The following DSCAM variants were observed in gnomAD, a reference collection of about 807,000 sequenced individuals.
DSCAM encodes the protein cell adhesion molecule DSCAM.
DSCAM carries 47 observed loss-of-function variants against 217.7 expected under a neutral mutation model. That is an observed-to-expected ratio of 0.22 (90% CI 0.17 to 0.28). DSCAM has a LOEUF of 0.28. Among genes scored for constraint, DSCAM ranks in the 10% least tolerant of loss-of-function variants. DSCAM has a pLI of 1.00. For missense variants in DSCAM, 2,080 were observed against 2,618.3 expected (o/e 0.79, Z 4.49); for synonymous variants, 1,056 against 1,015.3 (o/e 1.04, Z -0.76).
At chr21:40,490,567 C>T (rs35955958) in intron 3 of DSCAM, among the ~76,000 whole-genome samples, 71,071 of 151,832 alleles carry the variant, frequency 0.47, 16,759 homozygotes, top group African/African-American at 0.5. Flanking sequence ...TAACTTCCAC[C>T]TCATTCTTGA....
chr21:40,597,814 T>C (rs1182929564), intron 3 of DSCAM, among the ~76,000 whole-genome samples: 1 of 152,066 alleles, frequency 6.6e-6, no homozygotes, highest in Non-Finnish European at 1.5e-5. Flanking sequence ...GCCCGGCCTA[T>C]TTCTTAGAAC....
chr21:40,653,875 T>A lies in DSCAM; in HGVS notation c.508+38935A>T, dbSNP rs1335620350. Among the ~76,000 whole-genome samples, 7 of 152,152 alleles carry A rather than the reference T, an allele frequency of 4.6e-5. No individual in the cohort carries two copies. The South Asian group carries it at 1.0e-3, about 23-fold the overall frequency. ...ACTTTGGGAGGCCAAGGCAGGCAGA[T>A]CATGAGGTCAGGAGTTCAAGACCAG... On this transcript the variant is annotated intron_variant, in intron 3 of 32. Coordinates refer to ENST00000400454, the MANE Select transcript of DSCAM (RefSeq NM_001389.5).
chr21:40,219,352 C>A (rs762562951), intron 11 of DSCAM, among the ~76,000 whole-genome samples: 126 of 152,206 alleles, frequency 8.3e-4, no homozygotes, highest in Non-Finnish European at 1.7e-3. Context: ...TCAAATCCTG[C>A]TTTTTAAAAA....
chr21:40,371,639 T>G (rs564531759), intron 3 of DSCAM, among the ~76,000 whole-genome samples: 95 of 152,340 alleles, frequency 6.2e-4, no homozygotes, highest in Non-Finnish European at 1.2e-3. Flanking sequence ...TTTGTTCTTG[T>G]AATATCTAAC....
intron 3 of DSCAM, among the ~76,000 whole-genome samples, chr21:40,430,100 T>G (rs1601637166): frequency 6.6e-6 from 1 of 152,204 alleles, no homozygotes; most frequent in Non-Finnish European, 1.5e-5. Flanking sequence ...GCTTGTCACC[T>G]CTTGCTAAAA....
chr21:40,509,272 G>A (rs527316750), intron 3 of DSCAM, among the ~76,000 whole-genome samples: 1 of 152,118 alleles, frequency 6.6e-6, no homozygotes, highest in Non-Finnish European at 1.5e-5. Context: ...AAACAAAGTA[G>A]AATTCAAAAG....
At chr21:40,090,136 C>G (rs911996604) in intron 21 of DSCAM, among the ~76,000 whole-genome samples, 5 of 152,174 alleles carry the variant, frequency 3.3e-5, no homozygotes, top group Admixed American at 1.3e-4. Context: ...AACCTACTGG[C>G]ATTTCCTCCT....
At chr21:40,408,382 A>G (rs1425789097) in intron 3 of DSCAM, among the ~76,000 whole-genome samples, 1 of 152,094 alleles carries the variant, frequency 6.6e-6, no homozygotes, top group Non-Finnish European at 1.5e-5. Flanking sequence ...ACATTCTGGA[A>G]ATGTTGAGCT....
intron 3 of DSCAM, among the ~76,000 whole-genome samples, chr21:40,463,068 A>C (rs981166656): frequency 6.6e-6 from 1 of 152,146 alleles, no homozygotes; most frequent in Non-Finnish European, 1.5e-5. Context: ...GAACCATCTG[A>C]AATTGCTTGA....
At chr21:40,249,352 T>C (rs1334583385) in intron 11 of DSCAM, among the ~76,000 whole-genome samples, 2 of 152,134 alleles carry the variant, frequency 1.3e-5, no homozygotes, top group African/African-American at 4.8e-5. Context: ...ATAAGTCTCA[T>C]GAGATCTGAT....
intron 3 of DSCAM, among the ~76,000 whole-genome samples, chr21:40,490,696 T>C (rs1034734897): frequency 6.6e-6 from 1 of 152,200 alleles, no homozygotes; most frequent in Admixed American, 6.5e-5. Context: ...TGAGGACCAA[T>C]TGTTAATGTG....
chr21:40,189,295 T>C, intron 11 of DSCAM, 57 bp from the exon 12 acceptor site: 1 of 1,367,954 alleles, frequency 7.3e-7, no homozygotes, highest in Non-Finnish European at 9.8e-7. Flanking sequence ...TGATTTTCCC[T>C]GGCAAAACAC....
At chr21:40,307,563 C>T (rs1352728783) in intron 9 of DSCAM, among the ~76,000 whole-genome samples, 2 of 152,110 alleles carry the variant, frequency 1.3e-5, no homozygotes, top group African/African-American at 4.8e-5. Flanking sequence ...TACCATTTGA[C>T]CCAGCCATCC....
chr21:40,333,221 C>T (rs1399928865), intron 8 of DSCAM, among the ~76,000 whole-genome samples: 1 of 152,168 alleles, frequency 6.6e-6, no homozygotes, highest in African/African-American at 2.4e-5. Context: ...TAAAATTTAG[C>T]TAATTTCTTA....
chr21:40,228,832 C>T (rs956822526), intron 11 of DSCAM, among the ~76,000 whole-genome samples: 4 of 152,078 alleles, frequency 2.6e-5, no homozygotes, highest in African/African-American at 9.7e-5. Flanking sequence ...TTTATTGCTA[C>T]TGTGGCATTG....
chr21:40,588,399 G>A (rs2076961687), intron 3 of DSCAM, among the ~76,000 whole-genome samples: 1 of 152,158 alleles, frequency 6.6e-6, no homozygotes, highest in African/African-American at 2.4e-5. Context: ...CATCTAAAGG[G>A]GGAATACCCT....
At chr21:40,288,751 C>T (rs60259948) in intron 10 of DSCAM, among the ~76,000 whole-genome samples, 4,411 of 152,328 alleles carry the variant, frequency 0.029, 103 homozygotes, top group East Asian at 0.08. Context: ...CTAATACATA[C>T]TGACTAATGG....
intron 3 of DSCAM, among the ~76,000 whole-genome samples, chr21:40,467,333 C>T (rs2075853574): frequency 6.6e-6 from 1 of 152,100 alleles, no homozygotes; most frequent in Admixed American, 6.6e-5. Context: ...CACACGCACA[C>T]AAAGATTTAA....
At chr21:40,822,486 C>T (rs1431876145) in intron 1 of DSCAM, among the ~76,000 whole-genome samples, 2 of 151,082 alleles carry the variant, frequency 1.3e-5, no homozygotes, top group Non-Finnish European at 2.9e-5. Context: ...TTATCTATGT[C>T]ATAATTTCCT....
Sources: gnomAD v4.1 joint callset for allele counts (sites outside exome capture counted in the v4.1 genomes callset) on GRCh38, gnomAD v4.1.1 for gene constraint, MANE v1.5 for transcripts, NCBI Gene and HGNC (gene_info 2026-07-23, HGNC 2026-07-21) for gene names.